The following MAGI2 variants were observed in gnomAD, a reference collection of about 807,000 sequenced individuals.
MAGI2 encodes membrane associated guanylate kinase, WW and PDZ domain containing 2, also known as membrane-associated guanylate kinase, WW and PDZ domain-containing protein 2.
A neutral mutation model predicts 133.3 loss-of-function variants in MAGI2; 35 were observed. The ratio of observed to expected loss-of-function variants is 0.26; its 90% CI spans 0.20 to 0.35. MAGI2 has a LOEUF of 0.35. Ranked by LOEUF, MAGI2 falls within the 10% of genes least tolerant of loss-of-function variation. The pLI, the probability that MAGI2 is intolerant of heterozygous loss-of-function variation, is 1.00. For missense variants in MAGI2, 1,636 were observed against 1,863.4 expected, an observed-to-expected ratio of 0.88 and a Z score of 2.25; for synonymous variants, 729 against 710.6, an observed-to-expected ratio of 1.03 and a Z score of -0.41.
At chr7:79,099,742 C>T (rs1817810401) in intron 1 of MAGI2, among the ~76,000 whole-genome samples, 1 of 152,052 alleles carries the variant, frequency 6.6e-6, no homozygotes, top group Non-Finnish European at 1.5e-5. Context: ...TTTCCTGTTC[C>T]CGTGTTAGTT....
At chr7:78,729,679 A>G (rs979095889) in intron 2 of MAGI2, among the ~76,000 whole-genome samples, 2 of 152,204 alleles carry the variant, frequency 1.3e-5, no homozygotes, top group African/African-American at 2.4e-5. Flanking sequence ...AGAATTCTAG[A>G]TAGATGCTTC....
chr7:78,930,540 C>A (rs1330541081), intron 2 of MAGI2, among the ~76,000 whole-genome samples: 15 of 152,170 alleles, frequency 9.9e-5, no homozygotes, highest in East Asian at 7.8e-4. Context: ...AAATCCCCAA[C>A]AAAGGCTAGA....
At chr7:79,187,073 T>C (rs542889595) in intron 1 of MAGI2, among the ~76,000 whole-genome samples, 4 of 151,650 alleles carry the variant, frequency 2.6e-5, no homozygotes, top group Admixed American at 6.6e-5. Flanking sequence ...GGGGAAATTC[T>C]AAGTGACTAC....
chr7:78,632,723 A>G (rs1809151022), intron 2 of MAGI2, among the ~76,000 whole-genome samples: 1 of 152,222 alleles, frequency 6.6e-6, no homozygotes, highest in Non-Finnish European at 1.5e-5. Flanking sequence ...AGACACTTAC[A>G]TGTCAACCCT....
intron 2 of MAGI2, among the ~76,000 whole-genome samples, chr7:78,858,200 C>A (rs1485301798): frequency 1.3e-5 from 2 of 152,086 alleles, no homozygotes; most frequent in Non-Finnish European, 2.9e-5. Flanking sequence ...TTCAAAAAAC[C>A]AGCTCCTGGA....
intron 2 of MAGI2, among the ~76,000 whole-genome samples, chr7:78,718,415 G>A (rs1819932040): frequency 6.6e-6 from 1 of 152,078 alleles, no homozygotes; most frequent in African/African-American, 2.4e-5. Flanking sequence ...AGGTGAGTGA[G>A]CAAAGCGTCA....
intron 10 of MAGI2, among the ~76,000 whole-genome samples, chr7:78,231,030 T>C (rs1789914155): frequency 2.0e-5 from 3 of 152,222 alleles, no homozygotes; most frequent in Admixed American, 1.3e-4. Context: ...GGATCAATCA[T>C]TCAAGGGTCA....
At chr7:78,165,642 T>A (rs1030568926) in intron 15 of MAGI2, among the ~76,000 whole-genome samples, 1 of 152,190 alleles carries the variant, frequency 6.6e-6, no homozygotes, top group East Asian at 1.9e-4. Context: ...CTGCTCCTCT[T>A]CCTGCTGCTA....
At chr7:78,511,894 G>T (rs570403014) in intron 4 of MAGI2, among the ~76,000 whole-genome samples, 76 of 151,318 alleles carry the variant, frequency 5.0e-4, no homozygotes, top group African/African-American at 1.7e-3. Flanking sequence ...AGGAGATCGA[G>T]ACCAGACTGG....
chr7:78,438,184 T>C (rs1476599209), intron 6 of MAGI2, among the ~76,000 whole-genome samples: 1 of 152,166 alleles, frequency 6.6e-6, no homozygotes, highest in Non-Finnish European at 1.5e-5. Context: ...ATCTTCTGTA[T>C]TCTGATAAAC....
At chr7:78,202,111 C>T (rs889109398) in intron 10 of MAGI2, among the ~76,000 whole-genome samples, 2 of 152,150 alleles carry the variant, frequency 1.3e-5, no homozygotes, top group African/African-American at 4.8e-5. Flanking sequence ...CTTCTTTCAA[C>T]AATTTTCACT....
chr7:78,689,459 T>C (rs1816719808), intron 2 of MAGI2, among the ~76,000 whole-genome samples: 1 of 152,172 alleles, frequency 6.6e-6, no homozygotes, highest in South Asian at 2.1e-4. Flanking sequence ...CCAAGTTTGA[T>C]TTGTTTTTCA....
intron 16 of MAGI2, among the ~76,000 whole-genome samples, chr7:78,136,148 C>T (rs1292483954): frequency 1.4e-5 from 2 of 147,556 alleles, no homozygotes; most frequent in African/African-American, 2.5e-5. Context: ...TGGAGTCTCA[C>T]TCTGTCGCCC....
At chr7:78,289,680 A>G (rs530132119) in intron 9 of MAGI2, among the ~76,000 whole-genome samples, 44 of 152,244 alleles carry the variant, frequency 2.9e-4, no homozygotes, top group African/African-American at 9.9e-4. Context: ...TGAAATGAAG[A>G]AAAAAATGTT....
chr7:78,330,509 C>G (rs1397930602), intron 9 of MAGI2, among the ~76,000 whole-genome samples: 1 of 84,210 alleles, frequency 1.2e-5, no homozygotes, highest in Non-Finnish European at 2.4e-5. Context: ...CCCAGCTACT[C>G]CGGAGGCTGA....
chr7:79,266,399 T>C (rs1328268413), intron 1 of MAGI2, among the ~76,000 whole-genome samples: 1 of 152,052 alleles, frequency 6.6e-6, no homozygotes, highest in East Asian at 1.9e-4. Context: ...ACAGTGTCAT[T>C]TGTTCCCAAA....
intron 9 of MAGI2, among the ~76,000 whole-genome samples, chr7:78,319,306 AAAAC>A (rs1198217768): frequency 3.3e-5 from 5 of 150,210 alleles, no homozygotes; most frequent in Admixed American, 6.6e-5. Context: ...AAACAAACAA[AAAAC>A]AAACAAACAA....
At chr7:78,679,209 C>A (rs1815381859) in intron 2 of MAGI2, among the ~76,000 whole-genome samples, 1 of 152,110 alleles carries the variant, frequency 6.6e-6, no homozygotes, top group African/African-American at 2.4e-5. Flanking sequence ...TTTCCCTTCT[C>A]TGAGAGAGTG....
intron 1 of MAGI2, chr7:79,411,881 A>C (rs1286752663): frequency 6.6e-6 from 1 of 152,038 alleles, no homozygotes; most frequent in African/African-American, 2.4e-5. Flanking sequence ...TATATATTCA[A>C]TTGAATACTG....
Sources: gnomAD v4.1 joint callset for allele counts (sites outside exome capture counted in the v4.1 genomes callset) on GRCh38, gnomAD v4.1.1 for gene constraint, MANE v1.5 for transcripts, NCBI Gene and HGNC (gene_info 2026-07-23, HGNC 2026-07-21) for gene names.